XPNPEP3: variants seen among roughly 807,000 people sequenced by gnomAD.
The protein encoded by XPNPEP3 is X-prolyl aminopeptidase 3.
XPNPEP3 carries 41 observed loss-of-function variants against 60.0 expected under a neutral mutation model. The ratio of observed to expected loss-of-function variants is 0.68; its 90% CI spans 0.53 to 0.89. The LOEUF is 0.89. Ranked by LOEUF, XPNPEP3 falls within the 40% of genes least tolerant of loss-of-function variation. XPNPEP3 has a pLI of 0.00. For missense variants in XPNPEP3, 598 were observed against 638.9 expected (o/e 0.94, Z 0.69); for synonymous variants, 212 against 223.2 (o/e 0.95, Z 0.45).
At chr22:40,912,062 A>G (rs1247152865) in intron 6 of XPNPEP3, among the ~76,000 whole-genome samples, 1 of 152,202 alleles carries the variant, frequency 6.6e-6, no homozygotes, top group African/African-American at 2.4e-5. Flanking sequence ...CCAATTTTCT[A>G]TTTATATTTA....
At position 40,881,456 on chromosome 22, in the gene XPNPEP3, CAA is replaced by C. The variant is rs371356285; in HGVS notation, c.182-299_182-298del. ...GGGCAACAAGAGCGAAACTCTGTCT[CAA>C]AAAAAAAAAAAAAATTATATTCAAT... is the stretch of plus-strand genomic sequence containing the variant. On this transcript the variant is annotated intron_variant, in intron 2 of 9. Coordinates refer to ENST00000357137, the MANE Select transcript of XPNPEP3 (RefSeq NM_022098.4). Among the ~76,000 whole-genome samples, 133 of 120,086 alleles carry C rather than the reference CAA, an allele frequency of 1.1e-3. No homozygotes were observed. In the Middle Eastern group the frequency reaches 0.017, roughly 15 times the overall value. 78.8% of individuals were successfully genotyped at this position (120,086 alleles called of 152,430 possible). A position where few individuals can be genotyped will look rare whatever the true frequency, so the allele number is the denominator to read the frequency against.
chr22:40,871,591 A>G lies in XPNPEP3; in HGVS notation c.181+2476A>G, dbSNP rs1340239086. The stretch of plus-strand genomic sequence containing the variant: ...TAGATTTTTTTTTTAATTACTAATA[A>G]TCCCACAACTCAGAGAAAGCCACTG... On this transcript the variant is annotated intron_variant, in intron 2 of 9. Coordinates refer to ENST00000357137, the MANE Select transcript of XPNPEP3 (RefSeq NM_022098.4). Among the ~76,000 whole-genome samples the G allele has an allele frequency of 1.4e-4, 21 of 152,190 alleles. 1 individual carries two copies. The highest frequency in any genetic ancestry group is 1.4e-3 in the Admixed American group (21 of 15,268).
intron 6 of XPNPEP3, 65 bp downstream of exon 6, chr22:40,909,300 C>G: frequency 1.7e-6 from 2 of 1,202,496 alleles, no homozygotes; most frequent in South Asian, 1.2e-5. Flanking sequence ...AACCTGCTAA[C>G]CTCATGTCCT....
intron 2 of XPNPEP3, among the ~76,000 whole-genome samples, chr22:40,879,708 G>T (rs1169886268): frequency 6.6e-6 from 1 of 152,136 alleles, no homozygotes; most frequent in African/African-American, 2.4e-5. Flanking sequence ...CAGGCCGTGT[G>T]GTACACACCT....
rs2058227498 is a variant in XPNPEP3 at position 40,924,411 on chromosome 22, A to T, written c.1286A>T (p.Asp429Val). Reference sequence around the variant, plus strand: ...CATGTTGGCCACTACCTCGGGATGGATGTCCATGACACTCCAGACATGCCC... The same window carrying T: ...CATGTTGGCCACTACCTCGGGATGGTTGTCCATGACACTCCAGACATGCCC... ...PHHVGHYLGM[D>V]VHDTPDMPRS... Residue 429 changes from aspartate to valine, a missense_variant, in exon 9 of 10, where the codon GAT becomes GTT. Physicochemically the swap from Asp to Val is radical, Grantham distance 152. Transcript: ENST00000357137. 1 of 1,614,108 alleles carries T rather than the reference A, an allele frequency of 6.2e-7. No individual in the cohort carries two copies. Among genetic ancestry groups the T allele is most frequent in the Non-Finnish European group, 8.5e-7 (1 of 1,180,018 alleles).
intron 7 of XPNPEP3, among the ~76,000 whole-genome samples, chr22:40,919,265 TG>T (rs1468415301): frequency 1.3e-5 from 2 of 152,106 alleles, no homozygotes; most frequent in African/African-American, 4.8e-5. Flanking sequence ...AGAAGTACAT[TG>T]TAAAAAGGCC....
At chr22:40,896,050 T>A (rs148928334) in intron 4 of XPNPEP3, among the ~76,000 whole-genome samples, 42 of 152,318 alleles carry the variant, frequency 2.8e-4, no homozygotes, top group Non-Finnish European at 4.7e-4. Context: ...TAGAGACTCA[T>A]TGGAACCTTT....
rs571867069 is a variant in XPNPEP3, at chr22:40,877,310, C to T, written c.182-4460C>T. Among the ~76,000 whole-genome samples, 5 of 152,288 alleles carry T rather than the reference C, an allele frequency of 3.3e-5. No homozygotes were observed. In the South Asian group the frequency reaches 1.0e-3, roughly 32 times the overall value. On this transcript the variant is annotated intron_variant, in intron 2 of 9. Coordinates refer to ENST00000357137, the MANE Select transcript of XPNPEP3 (RefSeq NM_022098.4). The stretch of plus-strand genomic sequence containing the variant: ...AGTTTATTAATTACTTCCTTATATG[C>T]TGCGAAAACTACCTAATATTAAGCA...
In XPNPEP3 at chr22:40,922,431, A is replaced by G. The variant is rs2058220257; in HGVS notation, c.1154A>G (p.Tyr385Cys). Residue 385 changes from tyrosine to cysteine, a missense_variant, in exon 8 of 10, where the codon TAC (tyrosine) becomes TGC (cysteine). Physicochemically the swap from Tyr to Cys is radical, Grantham distance 194. Transcript: ENST00000357137. ...CCTGGGACAAGCTTGGAGAACATCT[A>G]CAGCATGATGCTGACCCTGATAGGA... ...CFPGTSLENI[Y>C]SMMLTLIGQK... is the part of the protein sequence containing the mutation. The G allele has an allele frequency of 6.2e-7, 1 of 1,613,994 alleles. No individual in the cohort carries two copies. The highest frequency in any genetic ancestry group is 8.5e-7 in the Non-Finnish European group (1 of 1,179,908).
chr22:40,860,972 C>T, intron 1 of XPNPEP3: 1 of 1,221,636 alleles, frequency 8.2e-7, no homozygotes, highest in Non-Finnish European at 1.1e-6. Flanking sequence ...TGTTGAAAAG[C>T]TCTTAGTATA....
In XPNPEP3 at chr22:40,882,140, G is replaced by T. The variant is rs1290846635; in HGVS notation, c.552G>T (p.Thr184=). Residue 184 remains threonine (T), a synonymous_variant, in exon 3 of 10, where the codon ACG becomes ACT. Transcript: ENST00000357137. ...IALTGVDEAY[T]LEEFQHLLPK... ...TAACTGGAGTAGACGAAGCCTATAC[G>T]CTAGAAGAATTTCAACATCTTCTAC... is the stretch of plus-strand genomic sequence containing the variant. 8.7e-6 allele frequency: 14 copies of T among 1,614,006 alleles called. No homozygotes were observed. The highest frequency in any genetic ancestry group is 1.2e-5 in the Non-Finnish European group (14 of 1,180,022).
At chr22:40,921,304 C>G (rs2058215718) in intron 7 of XPNPEP3, among the ~76,000 whole-genome samples, 1 of 152,062 alleles carries the variant, frequency 6.6e-6, no homozygotes, top group Non-Finnish European at 1.5e-5. Flanking sequence ...GAAGACTCAG[C>G]AGAATTTAGG....
chr22:40,913,003 T>C (rs887534655), intron 6 of XPNPEP3, among the ~76,000 whole-genome samples: 3 of 152,212 alleles, frequency 2.0e-5, no homozygotes, highest in African/African-American at 7.2e-5. Flanking sequence ...CTGTATGTTA[T>C]CATTTACCCA....
intron 4 of XPNPEP3, among the ~76,000 whole-genome samples, chr22:40,902,810 A>C (rs549555585): frequency 6.6e-6 from 1 of 152,344 alleles, no homozygotes; most frequent in African/African-American, 2.4e-5. Flanking sequence ...AAAGTTAAAG[A>C]TATGTATCAC....
chr22:40,924,291 A>G (rs1280248962), intron 8 of XPNPEP3, 71 bp from the exon 9 acceptor site: 3 of 1,602,054 alleles, frequency 1.9e-6, no homozygotes, highest in Admixed American at 3.3e-5. Context: ...TATCTCACTG[A>G]TTTATACTTG....
chr22:40,897,681 A>G (rs1305369229), intron 4 of XPNPEP3, among the ~76,000 whole-genome samples: 1 of 152,070 alleles, frequency 6.6e-6, no homozygotes, highest in Non-Finnish European at 1.5e-5. Flanking sequence ...CAGCAAATGG[A>G]CCATTTCACA....
intron 7 of XPNPEP3, among the ~76,000 whole-genome samples, chr22:40,915,733 G>A (rs988783807): frequency 1.3e-5 from 2 of 152,096 alleles, no homozygotes; most frequent in African/African-American, 2.4e-5. Flanking sequence ...AATCCTTGAC[G>A]AGAAGGGCTT....
intron 4 of XPNPEP3, among the ~76,000 whole-genome samples, chr22:40,906,862 C>G (rs769185526): frequency 6.6e-6 from 1 of 152,210 alleles, no homozygotes; most frequent in Admixed American, 6.5e-5. Context: ...CCAGCAGATT[C>G]AGTGTCTGGT....
At chr22:40,871,028 C>CA (rs913073546) in intron 2 of XPNPEP3, among the ~76,000 whole-genome samples, 7 of 144,918 alleles carry the variant, frequency 4.8e-5, no homozygotes, top group East Asian at 2.0e-4. Flanking sequence ...GACTCTGTCT[C>CA]AAAAAAAAAG....
Sources: gnomAD v4.1 joint callset for allele counts (sites outside exome capture counted in the v4.1 genomes callset) on GRCh38, gnomAD v4.1.1 for gene constraint, MANE v1.5 for transcripts, NCBI Gene and HGNC (gene_info 2026-07-23, HGNC 2026-07-21) for gene names.